Variants in FBXO16 observed in about 807,000 individuals in gnomAD.
FBXO16 encodes F-box protein 16, also known as F-box only protein 16.
In FBXO16, 31 loss-of-function variants were observed where a neutral mutation model predicts 41.0. That is an observed-to-expected ratio of 0.76 (90% CI 0.57 to 1.02). The LOEUF (loss-of-function observed/expected upper bound fraction) is 1.02. Ranked by LOEUF, FBXO16 falls within the 50% of genes least tolerant of loss-of-function variation. The pLI, the probability that FBXO16 is intolerant of heterozygous loss-of-function variation, is 0.00. For synonymous variants in FBXO16, 133 were observed against 117.8 expected (o/e 1.13, Z -0.84); for missense variants, 361 against 346.2 (o/e 1.04, Z -0.34).
chr8:28,437,630 G>A (rs1232094053), intron 7 of FBXO16, among the ~76,000 whole-genome samples: 2 of 152,180 alleles, frequency 1.3e-5, no homozygotes, highest in African/African-American at 2.4e-5. Context: ...CCCAGTGCTC[G>A]GGGAGGCCAA....
chr8:28,464,088 T>G (rs1324337247), intron 3 of FBXO16, among the ~76,000 whole-genome samples: 1 of 152,200 alleles, frequency 6.6e-6, no homozygotes, highest in Non-Finnish European at 1.5e-5. Context: ...GAGCTGGCCA[T>G]ATTCACAAAC....
intron 4 of FBXO16, among the ~76,000 whole-genome samples, chr8:28,460,243 A>ATTTTTT (rs1350204892): frequency 1.5e-4 from 14 of 93,794 alleles, no homozygotes; most frequent in African/African-American, 6.8e-4. Context: ...ATATATATAT[A>ATTTTTT]TATTTTTTTT....
intron 3 of FBXO16, among the ~76,000 whole-genome samples, chr8:28,471,805 C>CAAAAAAAAAAAAAA (rs557259701): frequency 4.2e-5 from 1 of 23,728 alleles, no homozygotes; most frequent in African/African-American, 7.8e-5. Flanking sequence ...CAGAGAATCT[C>CAAAAAAAAAAAAAA]AAAAAAAAAA....
chr8:28,434,408 T>C (rs1802656538), intron 7 of FBXO16, among the ~76,000 whole-genome samples: 1 of 152,168 alleles, frequency 6.6e-6, no homozygotes, highest in Non-Finnish European at 1.5e-5. Flanking sequence ...GGAAAATAGA[T>C]AAATATAGTA....
At chr8:28,459,808 C>G (rs1164439378) in intron 4 of FBXO16, among the ~76,000 whole-genome samples, 1 of 151,946 alleles carries the variant, frequency 6.6e-6, no homozygotes, top group Non-Finnish European at 1.5e-5. Flanking sequence ...GAGCAGATCA[C>G]TTGAGGTCAA....
Position 28,463,599 on chromosome 8 carries a change from TC to T in FBXO16, c.342+12del. 6.2e-7 allele frequency: 1 copy of T among 1,613,260 alleles called. No homozygotes were observed. The highest frequency in any genetic ancestry group is 8.5e-7 in the Non-Finnish European group (1 of 1,179,874). On this transcript the variant is annotated intron_variant, in intron 4 of 8. Transcript: ENST00000380254. ...TCCTCACAAAACACCACATACCCCTTCCTTGCCTTTACCTGTGCACAACGAC... is the reference window on the plus strand; with the variant it reads ...TCCTCACAAAACACCACATACCCCTTCTTGCCTTTACCTGTGCACAACGAC...
chr8:28,465,673 G>C (rs1400657929), intron 3 of FBXO16, among the ~76,000 whole-genome samples: 1 of 152,002 alleles, frequency 6.6e-6, no homozygotes, highest in Non-Finnish European at 1.5e-5. Flanking sequence ...ACAAAAAGTG[G>C]ATTGATTGTT....
At chr8:28,447,796 A>C (rs1285390423) in intron 6 of FBXO16, among the ~76,000 whole-genome samples, 2 of 152,104 alleles carry the variant, frequency 1.3e-5, no homozygotes, top group African/African-American at 4.8e-5. Context: ...TCTACTAAAA[A>C]TACAAAAATT....
At chr8:28,473,832 G>A in intron 2 of FBXO16, 25 bp from the exon 3 acceptor site, 1 of 1,561,452 alleles carries the variant, frequency 6.4e-7, no homozygotes, top group Non-Finnish European at 8.8e-7. Flanking sequence ...AAAGAATATG[G>A]TAATTTCATA....
intron 1 of FBXO16, among the ~76,000 whole-genome samples, chr8:28,486,143 C>A (rs574224606): frequency 1.0e-3 from 154 of 150,944 alleles, no homozygotes; most frequent in African/African-American, 3.4e-3. Context: ...AAAGTGTAGC[C>A]ACTGAGTCTA....
chr8:28,447,498 C>A, intron 6 of FBXO16: 1 of 481,818 alleles, frequency 2.1e-6, no homozygotes, highest in Non-Finnish European at 3.8e-6. Context: ...CAGGATGTTT[C>A]TATATTCAAC....
intron 2 of FBXO16, among the ~76,000 whole-genome samples, chr8:28,477,372 T>C (rs1213994285): frequency 6.6e-6 from 1 of 152,204 alleles, no homozygotes; most frequent in African/African-American, 2.4e-5. Flanking sequence ...TGGCCAGCTG[T>C]CTCCTCGGGC....
At chr8:28,480,314 C>G (rs1013157880) in intron 2 of FBXO16, among the ~76,000 whole-genome samples, 2 of 151,966 alleles carry the variant, frequency 1.3e-5, no homozygotes, top group African/African-American at 4.8e-5. Flanking sequence ...AGGTACTGAG[C>G]AGGAGGGTTC....
chr8:28,437,704 C>A (rs945954770), intron 7 of FBXO16, among the ~76,000 whole-genome samples: 1 of 152,094 alleles, frequency 6.6e-6, no homozygotes, highest in Non-Finnish European at 1.5e-5. Context: ...GAGACCCTGT[C>A]TCTACCAAAA....
intron 1 of FBXO16, among the ~76,000 whole-genome samples, chr8:28,487,686 C>T (rs376101129): frequency 1.2e-4 from 19 of 152,096 alleles, no homozygotes; most frequent in Admixed American, 2.6e-4. Context: ...TGAGCTGCTG[C>T]GCCCAGCTAC....
At chr8:28,447,516 G>A in intron 6 of FBXO16, 1 of 445,530 alleles carries the variant, frequency 2.2e-6, no homozygotes, top group South Asian at 2.5e-5. Context: ...AACTGTGGAA[G>A]GATCTCCAGG....
intron 3 of FBXO16, among the ~76,000 whole-genome samples, chr8:28,473,124 A>T (rs1803364163): frequency 6.6e-6 from 1 of 152,194 alleles, no homozygotes; most frequent in South Asian, 2.1e-4. Context: ...GTCTCCCTGG[A>T]ACCTCAGCAT....
chr8:28,449,856 T>C (rs1802924336), intron 6 of FBXO16, among the ~76,000 whole-genome samples: 1 of 150,744 alleles, frequency 6.6e-6, no homozygotes, highest in Admixed American at 6.7e-5. Flanking sequence ...CCTGTACTCC[T>C]GGCTACTAGG....
chr8:28,483,532 A>C, intron 1 of FBXO16, 70 bp from the exon 2 acceptor site: 2 of 1,170,270 alleles, frequency 1.7e-6, no homozygotes, highest in Non-Finnish European at 2.5e-6. Flanking sequence ...AAAATTACTA[A>C]TACCAGCCAG....
Sources: gnomAD v4.1 joint callset for allele counts (sites outside exome capture counted in the v4.1 genomes callset) on GRCh38, gnomAD v4.1.1 for gene constraint, MANE v1.5 for transcripts, NCBI Gene and HGNC (gene_info 2026-07-23, HGNC 2026-07-21) for gene names.